Variants in TSC22D4 observed in about 807,000 individuals in gnomAD.
The protein encoded by TSC22D4 is TSC22 domain family protein 4.
A neutral mutation model predicts 24.9 loss-of-function variants in TSC22D4; 5 were observed. That is an observed-to-expected ratio of 0.20 (90% CI 0.10 to 0.42). The LOEUF (loss-of-function observed/expected upper bound fraction) is 0.42. TSC22D4 is among the 10% of genes least tolerant of loss of function. The pLI is 1.00. For missense variants in TSC22D4, 469 were observed against 547.9 expected (o/e 0.86, Z 1.44); for synonymous variants, 245 against 243.2 (o/e 1.01, Z -0.07).
Position 100,477,391 on chromosome 7 carries a change from CAGAG to C in TSC22D4, c.644_647del (p.Ser215Ter), listed in dbSNP as rs1799519607. On this transcript the variant is annotated frameshift_variant, in exon 2 of 5. Coordinates refer to ENST00000300181, the MANE Select transcript of TSC22D4 (RefSeq NM_030935.5). LOFTEE classifies it high-confidence loss of function. This position sits in a 1 kb window ranked among gnomAD's most constrained non-coding sequence, Gnocchi z 7.8. ...AGCCCCCAGCCTCCGCTTCCACCCT[CAGAG>C]AGGGCAGGGGCGTGGCAGCCCGGGA... is the stretch of plus-strand genomic sequence containing the variant. 6.3e-7 allele frequency: 1 copy of C among 1,595,794 alleles called. No homozygotes were observed. Among genetic ancestry groups the C allele is most frequent in the African/African-American group, 1.3e-5 (1 of 74,296 alleles).
At chr7:100,467,969 C>T (rs915266033) in intron 3 of TSC22D4, 5 of 496,978 alleles carry the variant, frequency 1.0e-5, no homozygotes, top group African/African-American at 7.8e-5. Flanking sequence ...TCCTTAGACA[C>T]CCCCCCAATG....
intron 2 of TSC22D4, among the ~76,000 whole-genome samples, chr7:100,476,032 A>G (rs1799489957): frequency 6.6e-6 from 1 of 150,936 alleles, no homozygotes; most frequent in Admixed American, 6.6e-5. Context: ...GAGGTGGGGG[A>G]AGGCTGGGGA....
At chr7:100,470,731 G>A (rs1354187295) in intron 3 of TSC22D4, among the ~76,000 whole-genome samples, 1 of 152,202 alleles carries the variant, frequency 6.6e-6, no homozygotes, top group East Asian at 1.9e-4. Context: ...GGGTCCGGGG[G>A]AGGAAAGTAG....
intron 3 of TSC22D4, among the ~76,000 whole-genome samples, chr7:100,472,410 G>T (rs542146596): frequency 6.6e-6 from 1 of 151,860 alleles, no homozygotes; most frequent in South Asian, 2.1e-4. Context: ...GTGCAGGGAG[G>T]GGGTGGGATG....
intron 3 of TSC22D4, among the ~76,000 whole-genome samples, chr7:100,469,523 C>G (rs538944326): frequency 2.6e-5 from 4 of 152,260 alleles, no homozygotes; most frequent in Non-Finnish European, 4.4e-5. Context: ...TCAAGCCCCA[C>G]TCTCAGGCCC....
Position 100,478,325 on chromosome 7 carries a change from GA to G in TSC22D4, c.-269-19del. 4.3e-6 allele frequency: 1 copy of G among 230,080 alleles called. No homozygotes were observed. Among genetic ancestry groups the G allele is most frequent in the African/African-American group, 4.0e-5 (1 of 24,732 alleles). The allele number at this position is 230,080 out of a possible 1,614,324, so 14.3% of individuals were successfully genotyped here. On this transcript the variant is annotated intron_variant, in intron 1 of 4. Coordinates refer to ENST00000300181, the MANE Select transcript of TSC22D4 (RefSeq NM_030935.5). ...TTTGCAAACTGGAAAAAGAGGGGGAGAGAGAGAGAGAGAGAGAGAGAGAGAG... is the reference window on the plus strand; with the variant it reads ...TTTGCAAACTGGAAAAAGAGGGGGAGGAGAGAGAGAGAGAGAGAGAGAGAG...
At chr7:100,470,084 G>C (rs988812678) in intron 3 of TSC22D4, among the ~76,000 whole-genome samples, 1 of 152,062 alleles carries the variant, frequency 6.6e-6, no homozygotes, top group Non-Finnish European at 1.5e-5. Flanking sequence ...GCAACACCTG[G>C]GTGGAGATGG....
chr7:100,477,131 G>T lies in TSC22D4; in HGVS notation c.762+146C>A. ...TGAAGTAGGAGGAAGGGGCTTCAGA[G>T]TGACCTGGCAGGCACAGAGAAGAGG... is the stretch of plus-strand genomic sequence containing the variant. On this transcript the variant is annotated intron_variant, in intron 2 of 4. Coordinates refer to ENST00000300181, the MANE Select transcript of TSC22D4 (RefSeq NM_030935.5). This position sits in a 1 kb window ranked among gnomAD's most constrained non-coding sequence, Gnocchi z 7.8. 1 of 651,928 alleles carries T rather than the reference G, an allele frequency of 1.5e-6. No homozygotes were observed. Among genetic ancestry groups the T allele is most frequent in the Non-Finnish European group, 2.4e-6 (1 of 420,990 alleles). The allele number at this position is 651,928 out of a possible 1,614,324, so 40.4% of individuals were successfully genotyped here.
intron 3 of TSC22D4, among the ~76,000 whole-genome samples, chr7:100,468,804 G>A (rs922799093): frequency 6.6e-6 from 1 of 152,048 alleles, no homozygotes; most frequent in African/African-American, 2.4e-5. Context: ...AGGCGTGGTG[G>A]AGGGTGCCAG....
Position 100,466,714 on chromosome 7 carries a change from G to A in TSC22D4, c.*245C>T. ...CGTCTACTGCTGGGGGGTCCCAGGA[G>A]GGAGGGTGGGGGTTGGTTCCCTCCC... is the stretch of plus-strand genomic sequence containing the variant. On this transcript the variant is annotated 3_prime_UTR_variant, in exon 5 of 5. Transcript: ENST00000300181. 1 of 537,512 alleles carries A rather than the reference G, an allele frequency of 1.9e-6. No individual in the cohort carries two copies. The highest frequency in any genetic ancestry group is 3.3e-6 in the Non-Finnish European group (1 of 304,962). The allele number at this position is 537,512 out of a possible 1,614,324, so 33.3% of individuals were successfully genotyped here.
In TSC22D4 at chr7:100,467,588, G is replaced by T; in HGVS notation, c.942C>A (p.Ser314Arg). 6.2e-7 allele frequency: 1 copy of T among 1,614,094 alleles called. No homozygotes were observed. Among genetic ancestry groups the T allele is most frequent in the Non-Finnish European group, 8.5e-7 (1 of 1,179,982 alleles). ...LDSDDDSGSGSLVGIDNKIEQ... is the reference protein window; with the variant it reads ...LDSDDDSGSGRLVGIDNKIEQ... ...CGATTTTGTTGTCAATGCCAACCAGGCTTCCGGAGCCACTGGAGAGACACA... is the reference window on the plus strand; with the variant it reads ...CGATTTTGTTGTCAATGCCAACCAGTCTTCCGGAGCCACTGGAGAGACACA... Residue 314 changes from serine (S) to arginine (R), a missense_variant, in exon 4 of 5, where the codon AGC (serine) becomes AGA (arginine). Transcript: ENST00000300181.
rs1470295835 is a variant in TSC22D4 at position 100,478,278 on chromosome 7, G to C, written c.-240C>G. ...GGGGCAGGTTTTTCCTGCTGCTGTT[G>C]CTGCTGAACTCCAGAGCTGAGTTTG... On this transcript the variant is annotated 5_prime_UTR_variant, in exon 2 of 5. Coordinates refer to ENST00000300181, the MANE Select transcript of TSC22D4 (RefSeq NM_030935.5). 3.9e-6 allele frequency: 2 copies of C among 510,992 alleles called. No homozygotes were observed. The highest frequency in any genetic ancestry group is 4.0e-5 in the African/African-American group (2 of 50,356). The allele number at this position is 510,992 out of a possible 1,614,324, so 31.7% of individuals were successfully genotyped here. A position where few individuals can be genotyped will look rare whatever the true frequency, so the allele number is the denominator to read the frequency against.
chr7:100,467,009 A>C lies in TSC22D4; in HGVS notation c.1138T>G (p.Ser380Ala). Reference protein sequence around the residue: ...SPEQLAQLPSSGVPRLGPPAP... With the variant: ...SPEQLAQLPSAGVPRLGPPAP... The stretch of plus-strand genomic sequence containing the variant: ...GGGGGCCCAAGCCGTGGGACCCCCG[A>C]GGAGGGCAGCTGAGCCAGCTGCTCC... Residue 380 changes from serine to alanine, a missense_variant, in exon 5 of 5, where the codon TCG (serine) becomes GCG (alanine). By Grantham distance (99) the Ser-to-Ala change is moderately conservative. Coordinates refer to ENST00000300181, the MANE Select transcript of TSC22D4 (RefSeq NM_030935.5). 1.2e-6 allele frequency: 2 copies of C among 1,607,680 alleles called. No homozygotes were observed. Among genetic ancestry groups the C allele is most frequent in the Non-Finnish European group, 1.7e-6 (2 of 1,177,252 alleles).
At chr7:100,472,711 C>T (rs1799416156) in intron 3 of TSC22D4, among the ~76,000 whole-genome samples, 1 of 151,262 alleles carries the variant, frequency 6.6e-6, no homozygotes, top group Non-Finnish European at 1.5e-5. Context: ...CCCAGCCCCG[C>T]CCAGCCCCAC....
Position 100,474,100 on chromosome 7 carries a change from T to G in TSC22D4, c.929+174A>C. 2 of 742,548 alleles carry G rather than the reference T, an allele frequency of 2.7e-6. No individual in the cohort carries two copies. The highest frequency in any genetic ancestry group is 3.8e-5 in the South Asian group (2 of 53,290). The allele number at this position is 742,548 out of a possible 1,614,324, so 46.0% of individuals were successfully genotyped here. A position where few individuals can be genotyped will look rare whatever the true frequency, so the allele number is the denominator to read the frequency against. ...CCCAGCCCTCTCCACAGAGAGGGAG[T>G]GGGTCCGAAATCAACTGTGTGCAGT... On this transcript the variant is annotated intron_variant, in intron 3 of 4. Coordinates refer to ENST00000300181, the MANE Select transcript of TSC22D4 (RefSeq NM_030935.5). This position sits in a 1 kb window ranked among gnomAD's most constrained non-coding sequence, Gnocchi z 4.3.
Position 100,478,311 on chromosome 7 carries a change from G to T in TSC22D4, c.-269-4C>A. The T allele has an allele frequency of 2.5e-6, 1 of 405,716 alleles. No homozygotes were observed. The highest frequency in any genetic ancestry group is 4.5e-6 in the Non-Finnish European group (1 of 222,536). The allele number at this position is 405,716 out of a possible 1,614,324, so 25.1% of individuals were successfully genotyped here. A position where few individuals can be genotyped will look rare whatever the true frequency, so the allele number is the denominator to read the frequency against. ...ACTCCAGAGCTGAGTTTGCAAACTG[G>T]AAAAAGAGGGGGAGAGAGAGAGAGA... On this transcript the variant is annotated splice_polypyrimidine_tract_variant and splice_region_variant and intron_variant, in intron 1 of 4. Transcript: ENST00000300181.
chr7:100,470,451 C>T (rs1371446913), intron 3 of TSC22D4, among the ~76,000 whole-genome samples: 2 of 152,082 alleles, frequency 1.3e-5, no homozygotes, highest in Non-Finnish European at 2.9e-5. Flanking sequence ...GCCACCATGC[C>T]CAGCTAATTT....
In TSC22D4 at chr7:100,466,922, G is replaced by A. The variant is rs370493813; in HGVS notation, c.*37C>T. On this transcript the variant is annotated 3_prime_UTR_variant, in exon 5 of 5. Transcript: ENST00000300181. ...GGGGGCAGGCGGCTGACGCAAGGCC[G>A]GGCAGCCCCAAAGGCACATTGTAAG... 2.3e-4 allele frequency: 339 copies of A among 1,491,728 alleles called. No individual in the cohort carries two copies. In the African/African-American group the frequency reaches 4.1e-3, roughly 18 times the overall value. 92.4% of individuals were successfully genotyped at this position (1,491,728 alleles called of 1,614,324 possible).
At chr7:100,472,408 A>T (rs1387722166) in intron 3 of TSC22D4, among the ~76,000 whole-genome samples, 1 of 13,688 alleles carries the variant, frequency 7.3e-5, no homozygotes, top group Non-Finnish European at 1.5e-4. Flanking sequence ...GTGTGCAGGG[A>T]GGGGGTGGGA....
Sources: gnomAD v4.1 joint callset for allele counts (sites outside exome capture counted in the v4.1 genomes callset) on GRCh38, gnomAD v4.1.1 for gene constraint, Gnocchi (gnomAD v3.1) non-coding constraint, MANE v1.5 for transcripts, NCBI Gene and HGNC (gene_info 2026-07-23, HGNC 2026-07-21) for gene names.